The following LONRF2 variants were observed in gnomAD, a reference collection of about 807,000 sequenced individuals.
LONRF2 encodes LON peptidase N-terminal domain and ring finger 2.
LONRF2 carries 35 observed loss-of-function variants against 66.6 expected under a neutral mutation model. The ratio of observed to expected loss-of-function variants is 0.53; its 90% CI spans 0.40 to 0.70. The LOEUF (loss-of-function observed/expected upper bound fraction) is 0.70, where lower values mean the gene tolerates loss of function less well. LONRF2 is among the 30% of genes least tolerant of loss of function. The pLI, the probability that LONRF2 is intolerant of heterozygous loss-of-function variation, is 0.00. For missense variants in LONRF2, 902 were observed against 1,002.1 expected (o/e 0.90, Z 1.35); for synonymous variants, 417 against 418.1 (o/e 1.00, Z 0.03).
Position 100,290,300 on chromosome 2 carries a change from A to T in LONRF2, c.1878T>A (p.Asp626Glu). 1 of 1,614,130 alleles carries T rather than the reference A, an allele frequency of 6.2e-7. No homozygotes were observed. Among genetic ancestry groups the T allele is most frequent in the South Asian group, 1.1e-5 (1 of 91,074 alleles). Residue 626 changes from aspartate to glutamate, a missense_variant, in exon 10 of 12, where the codon GAT (aspartate) becomes GAA (glutamate). By Grantham distance (45) the Asp-to-Glu change is conservative (BLOSUM62 2). Around this residue, in one of 2 missense-constraint regions of LONRF2, gnomAD observed 317 missense variants for 432.2 expected, o/e 0.73. Transcript: ENST00000393437. ...RFRVLSHRHR[D>E]GYNTADIEYL... is the part of the protein sequence containing the mutation. ...ATTCAATGTCCGCTGTGTTATAGCC[A>T]TCTCTGTGGCGGTGGCTTAGCACTC... is the stretch of plus-strand genomic sequence containing the variant.
At chr2:100,285,521 T>C (rs1451885575) in intron 11 of LONRF2, among the ~76,000 whole-genome samples, 1 of 152,198 alleles carries the variant, frequency 6.6e-6, no homozygotes, top group African/African-American at 2.4e-5. Context: ...GTCCCCCATA[T>C]GGTACCTTAT....
At chr2:100,287,813 C>T (rs942901370) in intron 10 of LONRF2, among the ~76,000 whole-genome samples, 2 of 152,212 alleles carry the variant, frequency 1.3e-5, no homozygotes, top group Non-Finnish European at 2.9e-5. Flanking sequence ...GGCTTCATCA[C>T]CAACTCTCAT....
In LONRF2 at chr2:100,273,489, TA is replaced by T. The variant is rs565827875; in HGVS notation, c.*10808del. 9 of 152,370 alleles carry T rather than the reference TA, an allele frequency of 5.9e-5. No homozygotes were observed. The South Asian group carries it at 1.9e-3, about 32-fold the overall frequency. The allele number at this position is 152,370 out of a possible 1,614,324, so 9.4% of individuals were successfully genotyped here. A position where few individuals can be genotyped will look rare whatever the true frequency, so the allele number is the denominator to read the frequency against. ...TTTATTCAGTTCAAATATCACATAT[TA>T]GATATACAATACCAATTAATTGAAA... On this transcript the variant is annotated 3_prime_UTR_variant, in exon 12 of 12. Coordinates refer to ENST00000393437, the MANE Select transcript of LONRF2 (RefSeq NM_198461.4).
At position 100,303,000 on chromosome 2, in the gene LONRF2, C is replaced by T. The variant is rs973564574; in HGVS notation, c.842G>A (p.Ser281Asn). 3.7e-6 allele frequency: 6 copies of T among 1,610,994 alleles called. No individual in the cohort carries two copies. In the Admixed American group the frequency reaches 5.0e-5, roughly 13 times the overall value. Residue 281 changes from serine (S) to asparagine (N), a missense_variant, in exon 3 of 12, where the codon AGT (serine) becomes AAT (asparagine). By Grantham distance (46) the Ser-to-Asn change is conservative. Around this residue, in one of 2 missense-constraint regions of LONRF2, gnomAD observed 585 missense variants for 569.9 expected, o/e 1.03. Transcript: ENST00000393437. ...KAQALSGLGRSKEVLKEFLYC... is the reference protein window; with the variant it reads ...KAQALSGLGRNKEVLKEFLYC... Reference sequence around the variant, plus strand: ...GAGAAATTCCTTTAACACTTCCTTACTTCTTCCCAATCCAGAAAGAGCCTG... The same window carrying T: ...GAGAAATTCCTTTAACACTTCCTTATTTCTTCCCAATCCAGAAAGAGCCTG...
intron 11 of LONRF2, among the ~76,000 whole-genome samples, chr2:100,286,682 T>C (rs560329922): frequency 1.3e-5 from 2 of 152,310 alleles, no homozygotes; most frequent in South Asian, 4.1e-4. Context: ...CAGAATAAAC[T>C]GATTGTTGTT....
intron 9 of LONRF2, 33 bp from the exon 10 acceptor site, chr2:100,290,453 T>A: frequency 6.3e-7 from 1 of 1,579,986 alleles, no homozygotes; most frequent in Non-Finnish European, 8.6e-7. Context: ...TGACTGTGAT[T>A]TTTAAAATGC....
chr2:100,284,452 G>A lies in LONRF2; in HGVS notation c.2111C>T (p.Ala704Val). 6.2e-7 allele frequency: 1 copy of A among 1,608,234 alleles called. No individual in the cohort carries two copies. Among genetic ancestry groups the A allele is most frequent in the Non-Finnish European group, 8.5e-7 (1 of 1,177,604 alleles). The part of the protein sequence containing the change: ...SGPAWSWWIL[A>V]VLPLERKAQL... ...AGCCTTGCGCTCCAGGGGCAGCACG[G>A]CCAGGATCCACCAGGACCAGGCAGG... The change falls in exon 12 of 12, where the codon GCC becomes GTC. Residue 704 changes from alanine (A) to valine (V), a missense_variant. Around this residue, in one of 2 missense-constraint regions of LONRF2, gnomAD observed 317 missense variants for 432.2 expected, o/e 0.73. Coordinates refer to ENST00000393437, the MANE Select transcript of LONRF2 (RefSeq NM_198461.4).
chr2:100,290,362 T>A lies in LONRF2; in HGVS notation c.1816A>T (p.Ser606Cys), dbSNP rs577986109. Residue 606 changes from serine to cysteine, a missense_variant, in exon 10 of 12, where the codon AGT (serine) becomes TGT (cysteine). Coordinates refer to ENST00000393437, the MANE Select transcript of LONRF2 (RefSeq NM_198461.4). ...IKDVRTFPDG[S>C]SVVDAIGISR... ...ATGCCAATCGCGTCTACAACAGAAC[T>A]TCCATCAGGAAACGTTCTCACGTCC... 6.2e-7 allele frequency: 1 copy of A among 1,614,144 alleles called. No homozygotes were observed. Among genetic ancestry groups the A allele is most frequent in the South Asian group, 1.1e-5 (1 of 91,072 alleles).
intron 1 of LONRF2, among the ~76,000 whole-genome samples, chr2:100,320,375 C>T: frequency 6.6e-6 from 1 of 152,296 alleles, no homozygotes; most frequent in Non-Finnish European, 1.5e-5. Flanking sequence ...GAGTTAAGTG[C>T]TCTATTCCAG....
intron 7 of LONRF2, among the ~76,000 whole-genome samples, chr2:100,297,503 A>T (rs990628408): frequency 6.6e-6 from 1 of 152,200 alleles, no homozygotes; most frequent in African/African-American, 2.4e-5. Context: ...ACAAGGCAGC[A>T]TCGAAACAGA....
rs1674779900 is a variant in LONRF2, at chr2:100,283,433, A to G, written c.*865T>C. The G allele has an allele frequency of 6.6e-6, 1 of 152,194 alleles. No homozygotes were observed. The highest frequency in any genetic ancestry group is 2.1e-4 in the South Asian group (1 of 4,830). The allele number at this position is 152,194 out of a possible 1,614,324, so 9.4% of individuals were successfully genotyped here. ...GCTAATTTCTAATGCAAATCCCAAT[A>G]GAAAAAGATGACTGTTTCCTAAATG... On this transcript the variant is annotated 3_prime_UTR_variant, in exon 12 of 12. Coordinates refer to ENST00000393437, the MANE Select transcript of LONRF2 (RefSeq NM_198461.4).
chr2:100,301,504 G>C (rs1675184349), intron 3 of LONRF2, among the ~76,000 whole-genome samples: 2 of 152,224 alleles, frequency 1.3e-5, no homozygotes, highest in African/African-American at 4.8e-5. Flanking sequence ...TGGCCTTGCA[G>C]CAATGCGCAC....
At chr2:100,305,306 A>AT (rs750142903) in intron 2 of LONRF2, among the ~76,000 whole-genome samples, 9 of 152,040 alleles carry the variant, frequency 5.9e-5, no homozygotes, top group African/African-American at 1.7e-4. Context: ...TAGTGTCTTT[A>AT]TTTTTTTTAA....
chr2:100,300,639 C>T lies in LONRF2; in HGVS notation c.1065+5G>A. ...AGAATCCTGACAAATGCATGCACGT[C>T]ATACCTCCGAGCTCCCTGCATCACC... On this transcript the variant is annotated splice_donor_5th_base_variant and intron_variant, in intron 4 of 11. Transcript: ENST00000393437. The T allele has an allele frequency of 6.2e-7, 1 of 1,601,746 alleles. No homozygotes were observed. The highest frequency in any genetic ancestry group is 1.1e-5 in the South Asian group (1 of 87,814).
rs1455712776 is a variant in LONRF2, at chr2:100,300,703, C to T, written c.1006G>A (p.Gly336Ser). The change falls in exon 4 of 12, where the codon GGT becomes AGT. Residue 336 changes from glycine to serine, a missense_variant. By Grantham distance (56) the Gly-to-Ser change is moderately conservative. Coordinates refer to ENST00000393437, the MANE Select transcript of LONRF2 (RefSeq NM_198461.4). Reference sequence around the variant, plus strand: ...GCCTGGGCATTCATGTGGCTGTGACCCTGAGCCTTTAATCTGCTTTGGATG... The same window carrying T: ...GCCTGGGCATTCATGTGGCTGTGACTCTGAGCCTTTAATCTGCTTTGGATG... ...SSIQSRLKAQ[G>S]HSHMNAQALL... The T allele has an allele frequency of 1.2e-6, 2 of 1,613,782 alleles. No homozygotes were observed. Among genetic ancestry groups the T allele is most frequent in the Admixed American group, 1.7e-5 (1 of 59,884 alleles).
At chr2:100,288,719 C>T (rs1186006602) in intron 10 of LONRF2, among the ~76,000 whole-genome samples, 2 of 152,220 alleles carry the variant, frequency 1.3e-5, no homozygotes, top group African/African-American at 2.4e-5. Flanking sequence ...GATGAAGCCA[C>T]GCGGTATGTG....
At chr2:100,308,314 G>A (rs1414065360) in intron 2 of LONRF2, among the ~76,000 whole-genome samples, 6 of 151,760 alleles carry the variant, frequency 4.0e-5, no homozygotes, top group South Asian at 2.1e-4. Flanking sequence ...GAGACACTCC[G>A]TCTCAAAAAA....
intron 1 of LONRF2, 90 bp from the exon 2 acceptor site, chr2:100,309,315 A>C (rs1675364586): frequency 2.9e-6 from 2 of 680,082 alleles, no homozygotes; most frequent in Non-Finnish European, 4.9e-6. Context: ...AAGTGTATAT[A>C]TACATATGTA....
chr2:100,277,627 G>C lies in LONRF2; in HGVS notation c.*6671C>G, dbSNP rs570792644. Reference sequence around the variant, plus strand: ...TGGCATTGCCAACCCTCATATAAATGATGGAGCCCAAGAGAATGTTGCTGC... The same window carrying C: ...TGGCATTGCCAACCCTCATATAAATCATGGAGCCCAAGAGAATGTTGCTGC... On this transcript the variant is annotated 3_prime_UTR_variant, in exon 12 of 12. Transcript: ENST00000393437. 2 of 152,130 alleles carry C rather than the reference G, an allele frequency of 1.3e-5. No homozygotes were observed. Among genetic ancestry groups the C allele is most frequent in the Non-Finnish European group, 2.9e-5 (2 of 68,028 alleles). The allele number at this position is 152,130 out of a possible 1,614,324, so 9.4% of individuals were successfully genotyped here. A position where few individuals can be genotyped will look rare whatever the true frequency, so the allele number is the denominator to read the frequency against.
Sources: allele counts gnomAD v4.1 joint callset (sites outside exome capture counted in the v4.1 genomes callset), GRCh38; gene constraint gnomAD v4.1.1; regional missense constraint gnomAD v4.1.1; transcripts MANE v1.5; gene names NCBI Gene and HGNC (gene_info 2026-07-23, HGNC 2026-07-21).